Variants in ERC2 observed in about 807,000 individuals in gnomAD.
ERC2 encodes ERC protein 2.
In ERC2, 42 loss-of-function variants were observed where a neutral mutation model predicts 114.8. The observed-to-expected ratio is 0.37, with a 90% confidence interval of 0.29 to 0.47. The LOEUF (loss-of-function observed/expected upper bound fraction) is 0.47, where lower values mean the gene tolerates loss of function less well. Among genes scored for constraint, ERC2 ranks in the 20% least tolerant of loss-of-function variants. The pLI is 0.99. For synonymous variants in ERC2, 454 were observed against 425.5 expected (o/e 1.07, Z -0.82); for missense variants, 939 against 1,150.7 (o/e 0.82, Z 2.66).
At chr3:55,831,114 C>A (rs2060548184) in intron 14 of ERC2, among the ~76,000 whole-genome samples, 1 of 147,162 alleles carries the variant, frequency 6.8e-6, no homozygotes, top group South Asian at 2.2e-4. Context: ...CAAGACCAGC[C>A]TAGGCAACAT....
intron 17 of ERC2, among the ~76,000 whole-genome samples, chr3:55,632,514 A>G (rs1020388194): frequency 2.0e-5 from 3 of 152,176 alleles, no homozygotes; most frequent in Non-Finnish European, 4.4e-5. Flanking sequence ...CCAGCTCTCT[A>G]TTCTCTTAAG....
At position 55,992,257 on chromosome 3, in the gene ERC2, C is replaced by T. The variant is rs1452731199; in HGVS notation, c.2062-7G>A. ...CATCTTCAATATTATGTGCCTTCAACATTACATTTTTAAAGAATGTAGTTA... is the reference window on the plus strand; with the variant it reads ...CATCTTCAATATTATGTGCCTTCAATATTACATTTTTAAAGAATGTAGTTA... On this transcript the variant is annotated splice_polypyrimidine_tract_variant and splice_region_variant and intron_variant, in intron 10 of 17. Coordinates refer to ENST00000288221, the MANE Select transcript of ERC2 (RefSeq NM_015576.3). The T allele has an allele frequency of 6.2e-7, 1 of 1,608,690 alleles. No individual in the cohort carries two copies. Among genetic ancestry groups the T allele is most frequent in the Non-Finnish European group, 8.5e-7 (1 of 1,177,142 alleles).
chr3:56,429,647 G>GTAGTAGAGCAAATGTATT (rs1460207530), intron 2 of ERC2, among the ~76,000 whole-genome samples: 1 of 152,254 alleles, frequency 6.6e-6, no homozygotes, highest in Non-Finnish European at 1.5e-5. Flanking sequence ...GCAACTCTTA[G>GTAGTAGAGCAAATGTATT]TAGTAGAGCA....
chr3:56,241,009 T>G (rs2051286773), intron 3 of ERC2, among the ~76,000 whole-genome samples: 1 of 152,188 alleles, frequency 6.6e-6, no homozygotes, highest in South Asian at 2.1e-4. Context: ...TAGTGTCTAC[T>G]GTTACCCTCT....
intron 2 of ERC2, among the ~76,000 whole-genome samples, chr3:56,382,767 G>A (rs77836830): frequency 0.023 from 3,562 of 151,678 alleles, 41 homozygotes; most frequent in South Asian, 0.072. Flanking sequence ...TTTCATGACT[G>A]GATGCAATCT....
chr3:56,339,901 C>T (rs1217788270), intron 2 of ERC2, among the ~76,000 whole-genome samples: 1 of 152,156 alleles, frequency 6.6e-6, no homozygotes, highest in Non-Finnish European at 1.5e-5. Flanking sequence ...CCACAGCCTC[C>T]GGGCTCATCT....
At chr3:56,100,543 C>A (rs1019019522) in intron 6 of ERC2, among the ~76,000 whole-genome samples, 2 of 152,184 alleles carry the variant, frequency 1.3e-5, no homozygotes, top group African/African-American at 4.8e-5. Context: ...GTTAGAATAA[C>A]CCTGCTGGGA....
At chr3:56,253,815 G>C (rs949766831) in intron 3 of ERC2, among the ~76,000 whole-genome samples, 1 of 152,176 alleles carries the variant, frequency 6.6e-6, no homozygotes, top group Non-Finnish European at 1.5e-5. Flanking sequence ...CAAGGCTGAG[G>C]ATAACTTGAG....
chr3:56,254,721 C>A (rs909986302), intron 3 of ERC2, among the ~76,000 whole-genome samples: 4 of 152,174 alleles, frequency 2.6e-5, no homozygotes, highest in African/African-American at 9.7e-5. Flanking sequence ...TCACCTTGGA[C>A]AAGTAAGCTA....
At position 56,173,492 on chromosome 3, in the gene ERC2, G is replaced by A. The variant is rs758143161; in HGVS notation, c.1103C>T (p.Pro368Leu). The change falls in exon 4 of 18, where the codon CCG becomes CTG. Residue 368 changes from proline to leucine, a missense_variant. Physicochemically the swap from Pro to Leu is moderately conservative, Grantham distance 98 (BLOSUM62 -3). Around this residue, in one of 5 missense-constraint regions of ERC2, gnomAD observed 148 missense variants for 159.1 expected, o/e 0.93. Transcript: ENST00000288221. The part of the protein sequence containing the change: ...EELHRRSQLQ[P>L]EPAKTKALQT... ...GAGAGCCTTCGTCTTGGCTGGCTCC[G>A]GCTGAAGTTGGCTTCTTCGGTGCAA... The A allele has an allele frequency of 1.6e-5, 26 of 1,613,704 alleles. No homozygotes were observed. The Admixed American group carries it at 2.0e-4, about 12-fold the overall frequency.
intron 7 of ERC2, among the ~76,000 whole-genome samples, chr3:56,059,649 C>G (rs892533429): frequency 5.9e-5 from 9 of 152,098 alleles, no homozygotes; most frequent in Non-Finnish European, 1.0e-4. Context: ...AGTCTTTTAT[C>G]TTAAATCATA....
intron 14 of ERC2, among the ~76,000 whole-genome samples, chr3:55,815,725 C>T (rs1274490203): frequency 1.3e-5 from 2 of 152,168 alleles, no homozygotes; most frequent in Non-Finnish European, 2.9e-5. Context: ...AGAAAACTAA[C>T]GCGGGGGATT....
intron 14 of ERC2, among the ~76,000 whole-genome samples, chr3:55,872,454 A>G (rs2062628482): frequency 6.6e-6 from 1 of 152,236 alleles, no homozygotes; most frequent in African/African-American, 2.4e-5. Flanking sequence ...TGAGAAACTC[A>G]GCTTTGCAAA....
At chr3:56,446,881 C>T (rs1192001905) in intron 1 of ERC2, among the ~76,000 whole-genome samples, 1 of 152,054 alleles carries the variant, frequency 6.6e-6, no homozygotes, top group Non-Finnish European at 1.5e-5. Context: ...CCGGCCTCAG[C>T]CTCCCAAAGT....
chr3:55,540,385 G>A (rs2054313425), intron 17 of ERC2, among the ~76,000 whole-genome samples: 1 of 152,184 alleles, frequency 6.6e-6, no homozygotes, highest in Non-Finnish European at 1.5e-5. Flanking sequence ...ACTTGTTGTG[G>A]TGAGAATGTT....
chr3:55,639,377 G>A (rs1158426946), intron 17 of ERC2, among the ~76,000 whole-genome samples: 12 of 152,134 alleles, frequency 7.9e-5, no homozygotes, highest in Admixed American at 7.9e-4. Flanking sequence ...AGGAATATCT[G>A]AGGCCAGCGA....
At chr3:55,995,831 T>G (rs1362319819) in intron 10 of ERC2, among the ~76,000 whole-genome samples, 1 of 152,224 alleles carries the variant, frequency 6.6e-6, no homozygotes, top group African/African-American at 2.4e-5. Context: ...CTACACTAAA[T>G]AAAATAGTGG....
chr3:56,141,477 G>T (rs2080851013), intron 5 of ERC2, among the ~76,000 whole-genome samples: 1 of 152,184 alleles, frequency 6.6e-6, no homozygotes, highest in South Asian at 2.1e-4. Flanking sequence ...ATATGGACAG[G>T]CCATGCAGAA....
intron 2 of ERC2, among the ~76,000 whole-genome samples, chr3:56,318,961 C>CAAAAAA (rs35256298): frequency 1.2e-5 from 1 of 81,572 alleles, no homozygotes; most frequent in Non-Finnish European, 2.4e-5. Flanking sequence ...GACCCTGTCT[C>CAAAAAA]AAAAAAAAAA....
Sources: gnomAD v4.1 joint callset for allele counts (sites outside exome capture counted in the v4.1 genomes callset) on GRCh38, gnomAD v4.1.1 for gene constraint, gnomAD v4.1.1 regional missense constraint, MANE v1.5 for transcripts, NCBI Gene and HGNC (gene_info 2026-07-23, HGNC 2026-07-21) for gene names.